Variants in SH3RF3 observed in about 807,000 individuals in gnomAD.
SH3RF3 encodes the protein E3 ubiquitin-protein ligase SH3RF3.
Under a neutral mutation model 66.3 loss-of-function variants are expected in SH3RF3, and 29 were observed. That is an observed-to-expected ratio of 0.44 (90% CI 0.33 to 0.60). SH3RF3 has a LOEUF of 0.60. SH3RF3 is among the 20% of genes least tolerant of loss of function. SH3RF3 has a pLI of 0.04. For synonymous variants in SH3RF3, 583 were observed against 532.0 expected (o/e 1.10, Z -1.32); for missense variants, 1,194 against 1,190.9 (o/e 1.00, Z -0.04).
chr2:109,203,194 G>T (rs996841402), intron 1 of SH3RF3, among the ~76,000 whole-genome samples: 1 of 152,162 alleles, frequency 6.6e-6, no homozygotes, highest in Non-Finnish European at 1.5e-5. Context: ...TGCCTTGCCC[G>T]CAAGAAGGAC....
intron 1 of SH3RF3, among the ~76,000 whole-genome samples, chr2:109,334,398 C>A (rs1682359097): frequency 1.3e-5 from 2 of 150,712 alleles, no homozygotes; most frequent in Non-Finnish European, 3.0e-5. Flanking sequence ...AAATAAAGAC[C>A]ACCTCATCAT....
intron 1 of SH3RF3, among the ~76,000 whole-genome samples, chr2:109,332,508 C>T (rs1682311535): frequency 6.6e-6 from 1 of 152,132 alleles, no homozygotes; most frequent in Non-Finnish European, 1.5e-5. Flanking sequence ...CTAAGGAGTC[C>T]CAGGATGTGT....
intron 1 of SH3RF3, among the ~76,000 whole-genome samples, chr2:109,210,027 C>T (rs1678935458): frequency 6.6e-6 from 1 of 152,222 alleles, no homozygotes; most frequent in Non-Finnish European, 1.5e-5. Flanking sequence ...CTGTGAATGA[C>T]TATTCTAGGG....
At chr2:109,369,111 G>A (rs1016458989) in intron 2 of SH3RF3, among the ~76,000 whole-genome samples, 1 of 152,032 alleles carries the variant, frequency 6.6e-6, no homozygotes, top group Non-Finnish European at 1.5e-5. Context: ...TTGGGAGGCC[G>A]AGGTGGGCAG....
intron 1 of SH3RF3, among the ~76,000 whole-genome samples, chr2:109,183,745 G>T (rs1304341354): frequency 6.6e-6 from 1 of 152,216 alleles, no homozygotes; most frequent in African/African-American, 2.4e-5. Context: ...GATCCTCCCA[G>T]CAGCTCGGTC....
intron 1 of SH3RF3, among the ~76,000 whole-genome samples, chr2:109,285,114 A>G (rs934015478): frequency 6.6e-6 from 1 of 152,196 alleles, no homozygotes; most frequent in Non-Finnish European, 1.5e-5. Context: ...CAGTCTGGAA[A>G]GAGCCCAGGG....
intron 1 of SH3RF3, among the ~76,000 whole-genome samples, chr2:109,150,656 G>A (rs1677206902): frequency 6.6e-6 from 1 of 152,096 alleles, no homozygotes; most frequent in Non-Finnish European, 1.5e-5. Context: ...CTGAGCTCAG[G>A]CTGCCTCTGG....
intron 2 of SH3RF3, among the ~76,000 whole-genome samples, chr2:109,350,954 G>A (rs182663535): frequency 6.6e-6 from 1 of 152,332 alleles, no homozygotes; most frequent in Admixed American, 6.5e-5. Flanking sequence ...TTTAAATTAG[G>A]TGGATCAAAG....
intron 4 of SH3RF3, among the ~76,000 whole-genome samples, chr2:109,406,261 C>T (rs1676450127): frequency 6.6e-6 from 1 of 152,186 alleles, no homozygotes; most frequent in East Asian, 1.9e-4. Context: ...GCCAACTCCA[C>T]TATGACACAT....
At chr2:109,257,948 T>C (rs1435041272) in intron 1 of SH3RF3, among the ~76,000 whole-genome samples, 2 of 152,080 alleles carry the variant, frequency 1.3e-5, no homozygotes, top group Non-Finnish European at 2.9e-5. Flanking sequence ...TTGCCTTTTG[T>C]GTTCACCATT....
At chr2:109,253,932 T>C (rs1487352569) in intron 1 of SH3RF3, among the ~76,000 whole-genome samples, 2 of 152,078 alleles carry the variant, frequency 1.3e-5, no homozygotes, top group African/African-American at 4.8e-5. Context: ...TTAATTCCCC[T>C]TCCACAGCTC....
At chr2:109,453,806 G>A (rs1274083857) in intron 8 of SH3RF3, among the ~76,000 whole-genome samples, 4 of 152,196 alleles carry the variant, frequency 2.6e-5, no homozygotes, top group African/African-American at 7.2e-5. Flanking sequence ...GAGGGTCACC[G>A]ACAAAGGCGC....
intron 1 of SH3RF3, among the ~76,000 whole-genome samples, chr2:109,160,110 A>G (rs891421): frequency 0.81 from 122,653 of 152,150 alleles, 49,630 homozygotes; most frequent in East Asian, 0.89. Flanking sequence ...ATTATCAGTC[A>G]ATTTATGGGC....
chr2:109,354,670 T>A (rs1023055838), intron 2 of SH3RF3, among the ~76,000 whole-genome samples: 19 of 151,486 alleles, frequency 1.3e-4, no homozygotes, highest in African/African-American at 4.7e-4. Context: ...CAAAGGGCAG[T>A]GTGCTCCGCC....
intron 1 of SH3RF3, among the ~76,000 whole-genome samples, chr2:109,195,410 G>A (rs1011160249): frequency 2.6e-5 from 4 of 152,222 alleles, no homozygotes; most frequent in Admixed American, 1.3e-4. Flanking sequence ...CCTGGCCTGC[G>A]GACACCAGCG....
chr2:109,486,900 G>A (rs778115714), intron 8 of SH3RF3, among the ~76,000 whole-genome samples: 4 of 152,202 alleles, frequency 2.6e-5, no homozygotes, highest in East Asian at 3.9e-4. Context: ...CAGAGCAAAC[G>A]AGACGTTTTG....
chr2:109,331,742 A>G (rs912690334), intron 1 of SH3RF3, among the ~76,000 whole-genome samples: 8 of 152,218 alleles, frequency 5.3e-5, no homozygotes, highest in African/African-American at 1.9e-4. Flanking sequence ...TGTCTGGCAC[A>G]TATTAGGTGG....
chr2:109,315,822 C>G (rs1281883161), intron 1 of SH3RF3, among the ~76,000 whole-genome samples: 1 of 152,080 alleles, frequency 6.6e-6, no homozygotes, highest in Non-Finnish European at 1.5e-5. Flanking sequence ...GCTTTTCCAC[C>G]CTAGAATGAC....
chr2:109,418,406 G>A (rs993784436), intron 4 of SH3RF3, among the ~76,000 whole-genome samples: 1 of 152,170 alleles, frequency 6.6e-6, no homozygotes, highest in African/African-American at 2.4e-5. Context: ...AAGTCAAGGT[G>A]TGGACAGGTT....
Sources: allele counts gnomAD v4.1 joint callset (sites outside exome capture counted in the v4.1 genomes callset), GRCh38; gene constraint gnomAD v4.1.1; transcripts MANE v1.5; gene names NCBI Gene and HGNC (gene_info 2026-07-23, HGNC 2026-07-21).